Variants in UNC79 observed in about 807,000 individuals in gnomAD.
UNC79 encodes protein unc-79 homolog.
UNC79 carries 37 observed loss-of-function variants against 283.1 expected under a neutral mutation model. That is an observed-to-expected ratio of 0.13 (90% confidence interval 0.10 to 0.17). The LOEUF (loss-of-function observed/expected upper bound fraction) is 0.17, where lower values mean the gene tolerates loss of function less well. Among genes scored for constraint, UNC79 ranks in the 10% least tolerant of loss-of-function variants. The pLI is 1.00. For missense variants in UNC79, 2,272 were observed against 3,211.1 expected, an observed-to-expected ratio of 0.71 and a Z score of 7.07; for synonymous variants, 1,107 against 1,200.2, an observed-to-expected ratio of 0.92 and a Z score of 1.61.
At chr14:93,496,227 A>G (rs2059006751) in intron 5 of UNC79, among the ~76,000 whole-genome samples, 184 bp from the exon 6 acceptor site, 1 of 152,202 alleles carries the variant, frequency 6.6e-6, no homozygotes, top group South Asian at 2.1e-4. Flanking sequence ...CTTGGGACAA[A>G]GCTTGATAAA....
At chr14:93,505,625 T>G (rs1028433216) in intron 7 of UNC79, among the ~76,000 whole-genome samples, 4 of 152,082 alleles carry the variant, frequency 2.6e-5, no homozygotes, top group African/African-American at 9.6e-5. Context: ...ATTGGAGCAT[T>G]TAGCCCATAT....
intron 1 of UNC79, among the ~76,000 whole-genome samples, chr14:93,390,996 CAAT>C (rs760215603): frequency 3.3e-5 from 5 of 152,054 alleles, no homozygotes; most frequent in Non-Finnish European, 5.9e-5. Context: ...ATTAAAAGAT[CAAT>C]AATAGCTAAA....
intron 30 of UNC79, among the ~76,000 whole-genome samples, chr14:93,627,145 A>G (rs553388677): frequency 1.3e-5 from 2 of 152,346 alleles, no homozygotes; most frequent in South Asian, 2.1e-4. Flanking sequence ...CTTCACTGCT[A>G]AATCTGTCAG....
At chr14:93,460,527 G>C (rs2056930290) in intron 1 of UNC79, among the ~76,000 whole-genome samples, 1 of 132,838 alleles carries the variant, frequency 7.5e-6, no homozygotes, top group South Asian at 2.5e-4. Context: ...AAAAAAAAAA[G>C]TATATAGAGC....
At chr14:93,583,631 G>C (rs2063986187) in intron 20 of UNC79, among the ~76,000 whole-genome samples, 1 of 152,084 alleles carries the variant, frequency 6.6e-6, no homozygotes, top group Admixed American at 6.5e-5. Flanking sequence ...CTGGTTCACT[G>C]GTTTTCGGTG....
At chr14:93,620,148 G>C (rs770848009) in intron 29 of UNC79, among the ~76,000 whole-genome samples, 1 of 152,242 alleles carries the variant, frequency 6.6e-6, no homozygotes, top group Non-Finnish European at 1.5e-5. Context: ...AAGTGTCAAA[G>C]ATTCTTTCTG....
At chr14:93,393,618 T>C (rs1266167057) in intron 1 of UNC79, among the ~76,000 whole-genome samples, 1 of 152,210 alleles carries the variant, frequency 6.6e-6, no homozygotes, top group Admixed American at 6.5e-5. Context: ...ACAATGAATA[T>C]GCAAACTTTT....
intron 35 of UNC79, 67 bp from the exon 39 acceptor site, chr14:93,653,675 A>C (rs2070568290): frequency 7.0e-7 from 1 of 1,427,530 alleles, no homozygotes. Context: ...CTGAACTCTA[A>C]GTAAATATCT....
At chr14:93,706,658 GC>G in intron 48 of UNC79, 45 bp from the exon 52 acceptor site, 1 of 1,608,048 alleles carries the variant, frequency 6.2e-7, no homozygotes, top group Non-Finnish European at 8.5e-7. Flanking sequence ...TCCCTGGGTT[GC>G]CCGTGAAAAG....
At chr14:93,656,918 C>A (rs946280334) in intron 38 of UNC79, among the ~76,000 whole-genome samples, 1 of 152,100 alleles carries the variant, frequency 6.6e-6, no homozygotes, top group Non-Finnish European at 1.5e-5. Context: ...ATTAGTAGCT[C>A]CACTTCTGAA....
chr14:93,418,912 A>G (rs557930308), intron 1 of UNC79, among the ~76,000 whole-genome samples: 1 of 151,790 alleles, frequency 6.6e-6, no homozygotes, highest in Admixed American at 6.6e-5. Context: ...CCGATTTTCC[A>G]GGTGCCATCT....
chr14:93,373,649 T>G (rs6575329), intron 1 of UNC79, among the ~76,000 whole-genome samples: 107,450 of 152,078 alleles, frequency 0.71, 38,443 homozygotes, highest in Middle Eastern at 0.78. Flanking sequence ...AGCCCAGATG[T>G]CTTCACAGGT....
chr14:93,475,461 T>G (rs943510972), intron 3 of UNC79, among the ~76,000 whole-genome samples: 3 of 152,240 alleles, frequency 2.0e-5, no homozygotes, highest in Non-Finnish European at 4.4e-5. Context: ...TAATGACTAT[T>G]GGATTTGTTT....
intron 7 of UNC79, among the ~76,000 whole-genome samples, chr14:93,518,287 G>T (rs997429892): frequency 3.3e-5 from 5 of 151,490 alleles, no homozygotes; most frequent in Non-Finnish European, 4.4e-5. Flanking sequence ...ATAGTTATGG[G>T]TTTTTTTTAC....
intron 20 of UNC79, among the ~76,000 whole-genome samples, chr14:93,586,218 A>G (rs74719026): frequency 0.017 from 2,623 of 152,188 alleles, 77 homozygotes; most frequent in African/African-American, 0.06. Flanking sequence ...CTCCCTTCCA[A>G]TTAGGAAGGC....
chr14:93,580,181 T>A, exon 19 of UNC79: 1 of 1,614,024 alleles, frequency 6.2e-7, no homozygotes, highest in South Asian at 1.1e-5. Flanking sequence ...TCACGATGGG[T>A]TTAGAGCACA....
intron 42 of UNC79, among the ~76,000 whole-genome samples, 185 bp from the exon 46 acceptor site, chr14:93,686,387 A>G (rs1176692048): frequency 1.3e-5 from 2 of 152,186 alleles, no homozygotes; most frequent in Non-Finnish European, 2.9e-5. Context: ...TCTGCCACAA[A>G]CCTTCTATCA....
intron 1 of UNC79, among the ~76,000 whole-genome samples, chr14:93,397,982 C>T (rs1256724066): frequency 6.6e-6 from 1 of 152,070 alleles, no homozygotes; most frequent in African/African-American, 2.4e-5. Context: ...TTGCTGCAAG[C>T]CCTTAGTCAA....
rs757082159 is a variant in UNC79 at position 93,655,280 on chromosome 14, G to T, written c.6329G>T (p.Arg2110Leu). 6.2e-7 allele frequency: 1 copy of T among 1,613,932 alleles called. No homozygotes were observed. Among genetic ancestry groups the T allele is most frequent in the Non-Finnish European group, 8.5e-7 (1 of 1,179,920 alleles). The change falls in exon 38 of 49, where the codon CGC becomes CTC. Residue 2110 changes from arginine to leucine, a missense_variant. Around this residue, in one of 11 missense-constraint regions of UNC79, gnomAD observed 287 missense variants for 446.4 expected, o/e 0.64. Coordinates refer to ENST00000555664, the Ensembl canonical transcript of UNC79. ...TTACCAGCAGGGGGTGCTATGATTC[G>T]CTGTTTGGAAAACATTGCAACCTTC...
Sources: gnomAD v4.1 joint callset for allele counts (sites outside exome capture counted in the v4.1 genomes callset) on GRCh38, gnomAD v4.1.1 for gene constraint, gnomAD v4.1.1 regional missense constraint, MANE v1.5 for transcripts, NCBI Gene and HGNC (gene_info 2026-07-23, HGNC 2026-07-21) for gene names.